MRE11: variants seen among roughly 807,000 people sequenced by gnomAD.
The protein encoded by MRE11 is MRE11 double strand break repair nuclease.
MRE11 carries 62 observed loss-of-function variants against 91.7 expected under a neutral mutation model. The observed-to-expected ratio is 0.68, with a 90% CI of 0.55 to 0.84. The LOEUF (loss-of-function observed/expected upper bound fraction) is 0.84, where lower values mean the gene tolerates loss of function less well. Among genes scored for constraint, MRE11 ranks in the 40% least tolerant of loss-of-function variants. The probability of loss-of-function intolerance (pLI) is 0.00; values close to 1 mark genes in which losing one functional copy is unlikely to be tolerated. For missense variants in MRE11, 796 were observed against 852.9 expected (o/e 0.93, Z 0.83); for synonymous variants, 273 against 271.4 (o/e 1.01, Z -0.06).
At chr11:94,487,146 T>A (rs1332704272) in intron 3 of MRE11, among the ~76,000 whole-genome samples, 1 of 152,214 alleles carries the variant, frequency 6.6e-6, no homozygotes, top group African/African-American at 2.4e-5. Context: ...TTAATGGGTG[T>A]CATTTTTGCA....
chr11:94,493,657 A>C (rs1183931547), intron 1 of MRE11, 134 bp downstream of exon 1: 2 of 152,334 alleles, frequency 1.3e-5, no homozygotes, highest in East Asian at 1.9e-4. Context: ...CTGCAGAAAC[A>C]GGAGACGAAT....
chr11:94,507,381 G>A, the MRE11 span, among the ~76,000 whole-genome samples: 1 of 152,088 alleles, frequency 6.6e-6, no homozygotes, highest in African/African-American at 2.4e-5. Context: ...AACTTTTGGG[G>A]GGATTTTGCA....
chr11:94,511,947 T>C, the MRE11 span, among the ~76,000 whole-genome samples: 7 of 152,268 alleles, frequency 4.6e-5, no homozygotes, highest in Admixed American at 4.6e-4. Flanking sequence ...GAAACTACAA[T>C]GTGCTTAATA....
At chr11:94,491,358 C>T (rs1250696593) in intron 2 of MRE11, among the ~76,000 whole-genome samples, 1 of 152,156 alleles carries the variant, frequency 6.6e-6, no homozygotes, top group Non-Finnish European at 1.5e-5. Flanking sequence ...AAGCCTTCCT[C>T]TAAGTTTATG....
chr11:94,485,784 G>A (rs1947125073), intron 4 of MRE11, 140 bp downstream of exon 4: 1 of 788,374 alleles, frequency 1.3e-6, no homozygotes, highest in Admixed American at 2.5e-5. Flanking sequence ...TTAATACAAT[G>A]ATGTACAAAA....
rs1392433539 is a variant in MRE11 at position 94,418,439 on chromosome 11, T to TA, written c.*1685dup. ...CTTTTTTCCTAGGAACTTGTCAGGA[T>TA]ACTTTAGTGACCATTCCCTCACTAT... On this transcript the variant is annotated 3_prime_UTR_variant, in exon 20 of 20. Transcript: ENST00000323929. 1 of 231,980 alleles carries TA rather than the reference T, an allele frequency of 4.3e-6. No homozygotes were observed. The highest frequency in any genetic ancestry group is 8.5e-6 in the Non-Finnish European group (1 of 117,376). The allele number at this position is 231,980 out of a possible 1,614,324, so 14.4% of individuals were successfully genotyped here. A position where few individuals can be genotyped will look rare whatever the true frequency, so the allele number is the denominator to read the frequency against.
rs904265931 is a variant in MRE11, at chr11:94,445,724, C to T, written c.1867+86G>A. 20 of 989,162 alleles carry T rather than the reference C, an allele frequency of 2.0e-5. No homozygotes were observed. In the Middle Eastern group the frequency reaches 7.0e-4, roughly 35 times the overall value. 61.3% of individuals were successfully genotyped at this position (989,162 alleles called of 1,614,324 possible). A position where few individuals can be genotyped will look rare whatever the true frequency, so the allele number is the denominator to read the frequency against. On this transcript the variant is annotated intron_variant, in intron 16 of 19. Coordinates refer to ENST00000323929, the MANE Select transcript of MRE11 (RefSeq NM_005591.4). Reference sequence around the variant, plus strand: ...TGCCCTTATAACTTCCCAATGATTGCAACACAAATAAGGGCTACCAATGGT... The same window carrying T: ...TGCCCTTATAACTTCCCAATGATTGTAACACAAATAAGGGCTACCAATGGT...
In MRE11 at chr11:94,481,167, T is replaced by G. The variant is rs188765611; in HGVS notation, c.315-1406A>C. Among the ~76,000 whole-genome samples the G allele has an allele frequency of 6.1e-3, 923 of 151,968 alleles. 5 individuals carry two copies. Among genetic ancestry groups the G allele is most frequent in the African/African-American group, 0.02 (836 of 41,474 alleles). On this transcript the variant is annotated intron_variant, in intron 4 of 19. Transcript: ENST00000323929. Reference sequence around the variant, plus strand: ...CTACTAAAAACACAAAAATTAGCCGTGCATGGTGGCACATGCCTGTAGTCC... The same window carrying G: ...CTACTAAAAACACAAAAATTAGCCGGGCATGGTGGCACATGCCTGTAGTCC...
At chr11:94,473,681 A>C (rs1425942125) in intron 7 of MRE11, 2 of 152,150 alleles carry the variant, frequency 1.3e-5, no homozygotes, top group African/African-American at 4.8e-5. Flanking sequence ...AAATGAGCTA[A>C]GTAAGTTTGA....
chr11:94,471,920 C>A (rs1946727074), intron 7 of MRE11, among the ~76,000 whole-genome samples, 161 bp from the exon 8 acceptor site: 1 of 152,068 alleles, frequency 6.6e-6, no homozygotes, highest in Non-Finnish European at 1.5e-5. Context: ...ATCATCAATG[C>A]TAACTCCTGA....
chr11:94,479,873 G>A (rs754679729), intron 4 of MRE11, 112 bp from the exon 5 acceptor site: 55 of 763,206 alleles, frequency 7.2e-5, no homozygotes, highest in Non-Finnish European at 1.1e-4. Flanking sequence ...ATCTACATTG[G>A]CATATGACCA....
chr11:94,482,431 A>G lies in MRE11; in HGVS notation c.315-2670T>C, dbSNP rs549031375. ...GTAGACTCCTCAACAGCAACAAAAA[A>G]TAAGAGTTTACCACTCACTGACACT... On this transcript the variant is annotated intron_variant, in intron 4 of 19. Coordinates refer to ENST00000323929, the MANE Select transcript of MRE11 (RefSeq NM_005591.4). Among the ~76,000 whole-genome samples the G allele has an allele frequency of 2.0e-5, 3 of 152,350 alleles. No individual in the cohort carries two copies. In the East Asian group the frequency reaches 5.8e-4, roughly 29 times the overall value.
chr11:94,451,894 T>C (rs892442449), intron 14 of MRE11, among the ~76,000 whole-genome samples: 2 of 152,052 alleles, frequency 1.3e-5, no homozygotes, highest in African/African-American at 4.8e-5. Context: ...TGAGTGCTCT[T>C]ACAAATCAAT....
chr11:94,459,407 C>T lies in MRE11; in HGVS notation c.1500+1G>A, dbSNP rs1946353272. ...CCTAGACACTCAAATTAGTTACTTACCTCCTCATCGATTTTGTCTTCGAGG... is the reference window on the plus strand; with the variant it reads ...CCTAGACACTCAAATTAGTTACTTATCTCCTCATCGATTTTGTCTTCGAGG... On this transcript the variant is annotated splice_donor_variant, in intron 13 of 19. Coordinates refer to ENST00000323929, the MANE Select transcript of MRE11 (RefSeq NM_005591.4). LOFTEE classifies it high-confidence loss of function. The T allele has an allele frequency of 6.2e-7, 1 of 1,613,832 alleles. No homozygotes were observed. Among genetic ancestry groups the T allele is most frequent in the Non-Finnish European group, 8.5e-7 (1 of 1,179,842 alleles).
chr11:94,470,687 T>G, intron 8 of MRE11, 45 bp from the exon 9 acceptor site: 1 of 1,600,056 alleles, frequency 6.2e-7, no homozygotes, highest in South Asian at 1.1e-5. Context: ...GTAAATTTCC[T>G]CAGGGTGATG....
chr11:94,507,446 T>C, the MRE11 span, among the ~76,000 whole-genome samples: 5 of 152,196 alleles, frequency 3.3e-5, no homozygotes, highest in Non-Finnish European at 7.3e-5. Context: ...TTCTAGTACA[T>C]GGTTTTGGTG....
chr11:94,505,823 TA>T, the MRE11 span, among the ~76,000 whole-genome samples: 1 of 152,218 alleles, frequency 6.6e-6, no homozygotes, highest in African/African-American at 2.4e-5. Context: ...GTGTACCTTT[TA>T]AAGTCAACTA....
chr11:94,474,234 G>A (rs1412676514), intron 7 of MRE11, among the ~76,000 whole-genome samples: 1 of 152,056 alleles, frequency 6.6e-6, no homozygotes, highest in East Asian at 1.9e-4. Context: ...AAAAGTAATT[G>A]TGATTTTTGC....
chr11:94,467,852 A>G lies in MRE11; in HGVS notation c.1059T>C (p.Gly353=). ...MLENAERERL[G]NSHQPEKPLV... is the part of the protein sequence containing the mutation. ...GAGGCTTCTCTGGCTGGTGAGAATTACCCAGACGTTCCCGTTCAGCATTTT... is the reference window on the plus strand; with the variant it reads ...GAGGCTTCTCTGGCTGGTGAGAATTGCCCAGACGTTCCCGTTCAGCATTTT... The change falls in exon 10 of 20, where the codon GGT becomes GGC. Residue 353 remains glycine (G), a synonymous_variant. Coordinates refer to ENST00000323929, the MANE Select transcript of MRE11 (RefSeq NM_005591.4). The G allele has an allele frequency of 6.2e-7, 1 of 1,613,724 alleles. No homozygotes were observed. Among genetic ancestry groups the G allele is most frequent in the Non-Finnish European group, 8.5e-7 (1 of 1,179,792 alleles).
Sources: allele counts gnomAD v4.1 joint callset (sites outside exome capture counted in the v4.1 genomes callset), GRCh38; gene constraint gnomAD v4.1.1; transcripts MANE v1.5; gene names NCBI Gene and HGNC (gene_info 2026-07-23, HGNC 2026-07-21).